Variants in KLHL22 observed in about 807,000 individuals in gnomAD.
KLHL22 encodes kelch-like protein 22.
A neutral mutation model predicts 60.7 loss-of-function variants in KLHL22; 18 were observed. That is an observed-to-expected ratio of 0.30 (90% CI 0.20 to 0.44). KLHL22 has a LOEUF of 0.44. KLHL22 is among the 20% of genes least tolerant of loss of function. KLHL22 has a pLI of 1.00. For synonymous variants in KLHL22, 355 were observed against 354.5 expected (o/e 1.00, Z -0.01); for missense variants, 596 against 852.3 (o/e 0.70, Z 3.74).
chr22:20,478,061 C>T (rs1172315975), intron 2 of KLHL22, among the ~76,000 whole-genome samples: 2 of 152,064 alleles, frequency 1.3e-5, no homozygotes, highest in African/African-American at 4.8e-5. Flanking sequence ...CAGTTGTTCA[C>T]TATACTTAAC....
intron 2 of KLHL22, among the ~76,000 whole-genome samples, chr22:20,472,508 C>T (rs1301317970): frequency 2.0e-5 from 3 of 151,746 alleles, no homozygotes; most frequent in African/African-American, 7.3e-5. Context: ...GGCAGATCAC[C>T]TGAGGTCAGG....
At chr22:20,457,023 C>T (rs1601336512) in intron 5 of KLHL22, among the ~76,000 whole-genome samples, 1 of 138,386 alleles carries the variant, frequency 7.2e-6, no homozygotes, top group African/African-American at 2.9e-5. Flanking sequence ...AGCGGGGTGC[C>T]CTGCTAGGGT....
intron 2 of KLHL22, among the ~76,000 whole-genome samples, chr22:20,474,014 T>C (rs2053368958): frequency 6.6e-6 from 1 of 152,226 alleles, no homozygotes; most frequent in Admixed American, 6.5e-5. Context: ...TTTTTCTTTT[T>C]TTTGAGACGA....
chr22:20,467,876 T>C (rs1469080696), intron 3 of KLHL22, among the ~76,000 whole-genome samples: 1 of 152,186 alleles, frequency 6.6e-6, no homozygotes, highest in Non-Finnish European at 1.5e-5. Context: ...GCCAGGATGG[T>C]CTCGATCTCC....
chr22:20,466,849 T>C (rs1194241173), intron 3 of KLHL22, among the ~76,000 whole-genome samples: 1 of 152,064 alleles, frequency 6.6e-6, no homozygotes, highest in Non-Finnish European at 1.5e-5. Context: ...CAGGTGGCCA[T>C]ATCAACCCTT....
intron 2 of KLHL22, among the ~76,000 whole-genome samples, chr22:20,474,063 G>A (rs372196460): frequency 6.6e-6 from 1 of 151,570 alleles, no homozygotes; most frequent in African/African-American, 2.4e-5. Flanking sequence ...GCAGTGGTGC[G>A]ATCTTGGCTC....
At chr22:20,443,734 TCAAA>T (rs932297199) in intron 6 of KLHL22, among the ~76,000 whole-genome samples, 5 of 138,860 alleles carry the variant, frequency 3.6e-5, no homozygotes, top group African/African-American at 1.1e-4. Flanking sequence ...AGACTCTGTC[TCAAA>T]CAAACAAACA....
At chr22:20,449,464 G>T (rs1039341535) in intron 5 of KLHL22, among the ~76,000 whole-genome samples, 1 of 150,904 alleles carries the variant, frequency 6.6e-6, no homozygotes, top group Non-Finnish European at 1.5e-5. Flanking sequence ...GCAAAGGCAC[G>T]GTCTCGGCTC....
intron 2 of KLHL22, among the ~76,000 whole-genome samples, chr22:20,480,464 G>A (rs995224811): frequency 7.9e-5 from 12 of 152,194 alleles, no homozygotes; most frequent in Non-Finnish European, 1.5e-4. Flanking sequence ...CATCTCTACT[G>A]CTGGTGCCTG....
At chr22:20,463,942 T>C (rs1468755129) in intron 4 of KLHL22, among the ~76,000 whole-genome samples, 3 of 152,034 alleles carry the variant, frequency 2.0e-5, no homozygotes, top group Non-Finnish European at 4.4e-5. Context: ...AACATGAACA[T>C]GAACTCAGTC....
intron 5 of KLHL22, chr22:20,451,026 C>T: frequency 1.3e-6 from 2 of 1,515,344 alleles, no homozygotes; most frequent in Admixed American, 1.7e-5. Flanking sequence ...AGAAATATGA[C>T]CCCAAGACTC....
chr22:20,456,941 C>T (rs942488999), intron 5 of KLHL22, among the ~76,000 whole-genome samples: 1 of 152,208 alleles, frequency 6.6e-6, no homozygotes, highest in Non-Finnish European at 1.5e-5. Flanking sequence ...TCCTCTGCCT[C>T]TCAGGTGCTC....
At chr22:20,445,298 C>A (rs2052840618) in intron 6 of KLHL22, among the ~76,000 whole-genome samples, 1 of 151,590 alleles carries the variant, frequency 6.6e-6, no homozygotes, top group African/African-American at 2.4e-5. Flanking sequence ...CCTCTGCCTC[C>A]CGGGTTCCAG....
At chr22:20,487,195 C>T (rs540275169) in intron 2 of KLHL22, among the ~76,000 whole-genome samples, 6 of 152,190 alleles carry the variant, frequency 3.9e-5, no homozygotes, top group African/African-American at 2.4e-5. Context: ...TCTAGGATTA[C>T]AGGCGTGAGC....
rs1235436941 is a variant in KLHL22, at chr22:20,453,071, A to C, written c.1305+4737T>G. On this transcript the variant is annotated intron_variant, in intron 5 of 6. Transcript: ENST00000328879. The stretch of plus-strand genomic sequence containing the variant: ...CATTCAATGTTCCTCTGTGTCATGG[A>C]GTGAAATTCTTGTTTTATGGGTATT... Among the ~76,000 whole-genome samples the C allele has an allele frequency of 2.0e-5, 3 of 152,144 alleles. 1 individual carries two copies. Among genetic ancestry groups the C allele is most frequent in the Non-Finnish European group, 4.4e-5 (3 of 68,036 alleles).
Position 20,441,995 on chromosome 22 carries a change from T to A in KLHL22, c.*78A>T. 1.4e-6 allele frequency: 2 copies of A among 1,404,232 alleles called. No homozygotes were observed. Among genetic ancestry groups the A allele is most frequent in the Non-Finnish European group, 1.9e-6 (2 of 1,062,328 alleles). The allele number at this position is 1,404,232 out of a possible 1,614,324, so 87.0% of individuals were successfully genotyped here. ...GGCAGGGGCCCTGCCTGGAGTAAAG[T>A]GCTCTGGCCTAGGCTGCGTGGGTTT... On this transcript the variant is annotated 3_prime_UTR_variant, in exon 7 of 7. Coordinates refer to ENST00000328879, the MANE Select transcript of KLHL22 (RefSeq NM_032775.4).
chr22:20,492,306 C>T (rs1374248576), intron 1 of KLHL22, among the ~76,000 whole-genome samples: 1 of 152,126 alleles, frequency 6.6e-6, no homozygotes, highest in African/African-American at 2.4e-5. Flanking sequence ...CCCTCCACTC[C>T]TCCAGGGCCA....
chr22:20,464,813 T>G (rs1200532807), intron 4 of KLHL22, 45 bp downstream of exon 4: 1 of 1,233,804 alleles, frequency 8.1e-7, no homozygotes, highest in East Asian at 2.4e-5. Context: ...TTCCACACCC[T>G]CTCATCACCT....
At chr22:20,455,825 A>G (rs1375092601) in intron 5 of KLHL22, among the ~76,000 whole-genome samples, 1 of 152,202 alleles carries the variant, frequency 6.6e-6, no homozygotes, top group African/African-American at 2.4e-5. Context: ...GCGCTGCTAG[A>G]AGACCACCCA....
Sources: allele counts gnomAD v4.1 joint callset (sites outside exome capture counted in the v4.1 genomes callset), GRCh38; gene constraint gnomAD v4.1.1; transcripts MANE v1.5; gene names NCBI Gene and HGNC (gene_info 2026-07-23, HGNC 2026-07-21).